Variants in SCOC observed in about 807,000 individuals in gnomAD.
SCOC encodes the protein short coiled-coil protein, also known as short coiled coil protein.
SCOC carries 7 observed loss-of-function variants against 9.9 expected under a neutral mutation model. The observed-to-expected ratio is 0.71, with a 90% CI of 0.40 to 1.33. The LOEUF is 1.33. SCOC is among the 40% of genes most tolerant of loss of function. SCOC has a pLI of 0.01. For missense variants in SCOC, 66 were observed against 89.7 expected (o/e 0.74, Z 1.07); for synonymous variants, 19 against 28.2 (o/e 0.67, Z 1.03).
At position 140,382,736 on chromosome 4, in the gene SCOC, A is replaced by G. The variant is rs1044784369; in HGVS notation, c.*1632A>G. On this transcript the variant is annotated 3_prime_UTR_variant, in exon 4 of 4. Coordinates refer to ENST00000608372, the MANE Select transcript of SCOC (RefSeq NM_001153484.2). The stretch of plus-strand genomic sequence containing the variant: ...GTTATCAATATAAATATCATAGGCT[A>G]TTATACATTAATTTGGAAAACAAAA... 4 of 152,638 alleles carry G rather than the reference A, an allele frequency of 2.6e-5. No homozygotes were observed. Among genetic ancestry groups the G allele is most frequent in the African/African-American group, 9.6e-5 (4 of 41,458 alleles). The allele number at this position is 152,638 out of a possible 1,614,324, so 9.5% of individuals were successfully genotyped here. A position where few individuals can be genotyped will look rare whatever the true frequency, so the allele number is the denominator to read the frequency against.
intron 1 of SCOC, among the ~76,000 whole-genome samples, chr4:140,332,387 T>C (rs1433430543): frequency 4.0e-4 from 57 of 143,630 alleles, no homozygotes; most frequent in Non-Finnish European, 8.0e-4. Context: ...TTTTTTTTTT[T>C]TTGAGACGGA....
At chr4:140,348,576 A>ACACACACACC in intron 2 of SCOC, among the ~76,000 whole-genome samples, 1 of 7,596 alleles carries the variant, frequency 1.3e-4, no homozygotes, top group South Asian at 2.1e-3. Flanking sequence ...GTATATATAT[A>ACACACACACC]CGCACACACA....
intron 1 of SCOC, among the ~76,000 whole-genome samples, chr4:140,304,362 A>G (rs1004918415): frequency 6.6e-6 from 1 of 152,164 alleles, no homozygotes; most frequent in Non-Finnish European, 1.5e-5. Flanking sequence ...GATTCTGGAC[A>G]TGTTGATTTT....
intron 1 of SCOC, among the ~76,000 whole-genome samples, chr4:140,298,641 C>T (rs1731718653): frequency 6.6e-6 from 1 of 152,216 alleles, no homozygotes; most frequent in Non-Finnish European, 1.5e-5. Flanking sequence ...TTCTTTCTTC[C>T]AGCTCCCTTC....
At chr4:140,316,826 A>G (rs1732334395) in intron 1 of SCOC, among the ~76,000 whole-genome samples, 1 of 152,234 alleles carries the variant, frequency 6.6e-6, no homozygotes, top group African/African-American at 2.4e-5. Context: ...TTACTTTTGT[A>G]GCAGGTATGA....
intron 1 of SCOC, chr4:140,374,148 G>A: frequency 4.3e-6 from 2 of 462,608 alleles, no homozygotes; most frequent in South Asian, 3.1e-5. Flanking sequence ...AGGGGAGGCT[G>A]AGGTGGGGAG....
intron 2 of SCOC, among the ~76,000 whole-genome samples, chr4:140,349,131 G>A (rs563607982): frequency 1.2e-4 from 19 of 152,296 alleles, no homozygotes; most frequent in Non-Finnish European, 2.5e-4. Flanking sequence ...TAACTCTGCA[G>A]TAAGAAAACA....
chr4:140,259,866 T>C (rs1730591519), intron 1 of SCOC, among the ~76,000 whole-genome samples: 1 of 152,270 alleles, frequency 6.6e-6, no homozygotes, highest in Non-Finnish European at 1.5e-5. Flanking sequence ...CCCGCCATTC[T>C]TGATTAAACC....
chr4:140,367,996 C>T (rs557537171), intron 2 of SCOC, among the ~76,000 whole-genome samples: 1 of 152,338 alleles, frequency 6.6e-6, no homozygotes, highest in African/African-American at 2.4e-5. Context: ...TAAATGAACT[C>T]TCTTCCAAGC....
At chr4:140,289,551 TG>T in intron 1 of SCOC, among the ~76,000 whole-genome samples, 1 of 152,192 alleles carries the variant, frequency 6.6e-6, no homozygotes, top group Non-Finnish European at 1.5e-5. Flanking sequence ...TGAGGCTCTG[TG>T]GGCAGACAGG....
At chr4:140,372,006 C>T (rs1414559211), upstream of SCOC, among the ~76,000 whole-genome samples, 2 of 152,142 alleles carry the variant, frequency 1.3e-5, no homozygotes, top group Non-Finnish European at 2.9e-5. Context: ...TGAAATAAGC[C>T]AGTCATAAAA....
chr4:140,373,351 T>C, upstream of SCOC: 2 of 1,429,512 alleles, frequency 1.4e-6, no homozygotes, highest in South Asian at 1.5e-5. Context: ...TCAGGTTTCC[T>C]GATAGACCTG....
chr4:140,298,912 G>A (rs2089897), intron 1 of SCOC, among the ~76,000 whole-genome samples: 2 of 151,940 alleles, frequency 1.3e-5, no homozygotes, highest in Non-Finnish European at 1.5e-5. Flanking sequence ...TCCTCCTGGG[G>A]CCAAGCGATC....
upstream of SCOC, among the ~76,000 whole-genome samples, chr4:140,339,418 A>G (rs1356793689): frequency 1.3e-5 from 2 of 152,210 alleles, no homozygotes; most frequent in African/African-American, 4.8e-5. Flanking sequence ...AAACACCAAA[A>G]GCAATGGCAA....
intron 1 of SCOC, among the ~76,000 whole-genome samples, chr4:140,318,781 G>A (rs903076842): frequency 3.3e-5 from 5 of 151,402 alleles, no homozygotes; most frequent in African/African-American, 4.9e-5. Flanking sequence ...ACATGCACAC[G>A]TATGTTTATT....
chr4:140,373,980 G>T, intron 1 of SCOC: 1 of 648,174 alleles, frequency 1.5e-6, no homozygotes, highest in Non-Finnish European at 2.8e-6. Flanking sequence ...GGTCCCTGAC[G>T]CAGACATCGT....
intron 2 of SCOC, among the ~76,000 whole-genome samples, chr4:140,351,502 A>C (rs1448389983): frequency 1.3e-5 from 2 of 152,012 alleles, no homozygotes; most frequent in Non-Finnish European, 2.9e-5. Flanking sequence ...TCTCCTGAAT[A>C]ATATTCAAAG....
chr4:140,296,187 G>A (rs1731631718), intron 1 of SCOC, among the ~76,000 whole-genome samples: 1 of 152,182 alleles, frequency 6.6e-6, no homozygotes, highest in South Asian at 2.1e-4. Context: ...TGTGACAGGC[G>A]CATCACAGAG....
chr4:140,315,377 G>A (rs917934178), intron 1 of SCOC, among the ~76,000 whole-genome samples: 2 of 152,166 alleles, frequency 1.3e-5, no homozygotes, highest in Non-Finnish European at 2.9e-5. Flanking sequence ...AACCCTTTCA[G>A]ATGGGTATAA....
Sources: gnomAD v4.1 joint callset for allele counts (sites outside exome capture counted in the v4.1 genomes callset) on GRCh38, gnomAD v4.1.1 for gene constraint, MANE v1.5 for transcripts, NCBI Gene and HGNC (gene_info 2026-07-23, HGNC 2026-07-21) for gene names.